The following PDE7B variants were observed in gnomAD, a reference collection of about 807,000 sequenced individuals.
The protein encoded by PDE7B is phosphodiesterase 7B.
Under a neutral mutation model 56.2 loss-of-function variants are expected in PDE7B, and 29 were observed. That is an observed-to-expected ratio of 0.52 (90% CI 0.38 to 0.70). The LOEUF (loss-of-function observed/expected upper bound fraction) is 0.70. Ranked by LOEUF, PDE7B falls within the 30% of genes least tolerant of loss-of-function variation. The pLI, the probability that PDE7B is intolerant of heterozygous loss-of-function variation, is 0.00. For missense variants in PDE7B, 490 were observed against 565.0 expected (o/e 0.87, Z 1.35); for synonymous variants, 197 against 196.9 (o/e 1.00, Z 0.00).
intron 2 of PDE7B, among the ~76,000 whole-genome samples, chr6:136,019,629 G>GA (rs1776036735): frequency 6.6e-6 from 1 of 152,170 alleles, no homozygotes; most frequent in Non-Finnish European, 1.5e-5. Context: ...CTGCATAGTG[G>GA]AAAATCTGTG....
intron 1 of PDE7B, among the ~76,000 whole-genome samples, chr6:135,897,685 A>C (rs1395664582): frequency 6.6e-6 from 1 of 152,222 alleles, no homozygotes; most frequent in Non-Finnish European, 1.5e-5. Context: ...TAGGCATTTG[A>C]AATGAACCAC....
intron 2 of PDE7B, among the ~76,000 whole-genome samples, chr6:135,990,013 A>G (rs1031639282): frequency 4.6e-5 from 7 of 152,026 alleles, no homozygotes; most frequent in African/African-American, 1.4e-4. Context: ...AATATGGATT[A>G]TGTGGGGAAT....
chr6:136,177,087 A>T (rs1179841521), intron 9 of PDE7B, among the ~76,000 whole-genome samples: 1 of 150,658 alleles, frequency 6.6e-6, no homozygotes, highest in African/African-American at 2.5e-5. Flanking sequence ...GGAAATTTTC[A>T]TCAGAGTTGG....
At chr6:135,962,710 A>G (rs968977760) in intron 2 of PDE7B, among the ~76,000 whole-genome samples, 2 of 152,152 alleles carry the variant, frequency 1.3e-5, no homozygotes, top group East Asian at 1.9e-4. Context: ...TGTGACTTCA[A>G]CTGTGCCTTA....
intron 8 of PDE7B, among the ~76,000 whole-genome samples, chr6:136,170,754 C>G (rs532535970): frequency 7.4e-4 from 112 of 152,282 alleles, no homozygotes; most frequent in Non-Finnish European, 3.7e-4. Flanking sequence ...TGAGGCATCT[C>G]ATGGCATCAG....
chr6:136,082,317 C>T (rs1777220312), intron 2 of PDE7B, among the ~76,000 whole-genome samples: 1 of 152,112 alleles, frequency 6.6e-6, no homozygotes, highest in Non-Finnish European at 1.5e-5. Context: ...GCTGCAGTTA[C>T]GGCACTTGAG....
intron 2 of PDE7B, among the ~76,000 whole-genome samples, chr6:135,978,200 A>G (rs886587197): frequency 6.6e-6 from 1 of 152,198 alleles, no homozygotes; most frequent in Non-Finnish European, 1.5e-5. Context: ...TGTACAGTAT[A>G]TTACTCTGCT....
At chr6:136,130,863 G>A (rs1366106676) in intron 3 of PDE7B, among the ~76,000 whole-genome samples, 1 of 152,196 alleles carries the variant, frequency 6.6e-6, no homozygotes, top group Non-Finnish European at 1.5e-5. Flanking sequence ...AGAAGTGAGA[G>A]CCAAGTGAAA....
chr6:135,929,986 A>G (rs919039492), intron 1 of PDE7B, among the ~76,000 whole-genome samples: 1 of 152,228 alleles, frequency 6.6e-6, no homozygotes, highest in African/African-American at 2.4e-5. Context: ...GTGCCAGACT[A>G]GGAATTCTGG....
intron 2 of PDE7B, among the ~76,000 whole-genome samples, chr6:136,067,418 G>C (rs1179722453): frequency 6.6e-6 from 1 of 151,954 alleles, no homozygotes; most frequent in African/African-American, 2.4e-5. Flanking sequence ...ATCCCTACTA[G>C]ACTTTATGAA....
chr6:135,896,814 T>TGCTCCTTCCTTCCA (rs576255273), intron 1 of PDE7B, among the ~76,000 whole-genome samples: 1 of 152,130 alleles, frequency 6.6e-6, no homozygotes, highest in Non-Finnish European at 1.5e-5. Flanking sequence ...ACGATTCCAC[T>TGCTCCTTCCTTCCA]GCTCCTTCCT....
intron 2 of PDE7B, among the ~76,000 whole-genome samples, chr6:136,015,086 G>A (rs1775955259): frequency 6.6e-6 from 1 of 152,220 alleles, no homozygotes; most frequent in South Asian, 2.1e-4. Context: ...AGCAGCACCA[G>A]AGCCAATTCC....
rs372369095 is a variant in PDE7B, at chr6:136,120,009, C to T, written c.166+11195C>T. Among the ~76,000 whole-genome samples the T allele has an allele frequency of 1.2e-4, 18 of 152,240 alleles. No individual in the cohort carries two copies. In the East Asian group the frequency reaches 3.1e-3, roughly 26 times the overall value. ...CTGACCCCTGGTCCTCTGATTCCTC[C>T]GGGCTAGAAAAGACGATTCACAAGT... On this transcript the variant is annotated intron_variant, in intron 3 of 12. Transcript: ENST00000308191.
At chr6:136,020,180 C>A (rs951049953) in intron 2 of PDE7B, among the ~76,000 whole-genome samples, 3 of 152,128 alleles carry the variant, frequency 2.0e-5, no homozygotes. Context: ...GTTTTCTTAG[C>A]TCTTGTGAAG....
intron 2 of PDE7B, among the ~76,000 whole-genome samples, chr6:135,995,844 TGAA>T (rs547451378): frequency 6.0e-4 from 91 of 152,258 alleles, no homozygotes; most frequent in African/African-American, 2.0e-3. Context: ...TAAAAATTAA[TGAA>T]GAGAATTAAC....
At chr6:136,124,852 G>C (rs1777995481) in intron 3 of PDE7B, among the ~76,000 whole-genome samples, 2 of 152,168 alleles carry the variant, frequency 1.3e-5, no homozygotes, top group South Asian at 4.1e-4. Context: ...AGCAGCTGGA[G>C]AGTTTGCCCT....
intron 1 of PDE7B, among the ~76,000 whole-genome samples, chr6:135,895,449 C>CCT (rs1358407839): frequency 6.6e-6 from 1 of 152,100 alleles, no homozygotes; most frequent in African/African-American, 2.4e-5. Flanking sequence ...GGTGCCCTGA[C>CCT]CTCTCTCTGA....
At chr6:135,852,545 G>T (rs191096557) in intron 1 of PDE7B, among the ~76,000 whole-genome samples, 1 of 152,148 alleles carries the variant, frequency 6.6e-6, no homozygotes, top group African/African-American at 2.4e-5. Flanking sequence ...GAGACTGAAG[G>T]TAGAAAAAAA....
intron 2 of PDE7B, among the ~76,000 whole-genome samples, chr6:135,948,590 C>T (rs73558725): frequency 0.014 from 2,104 of 151,950 alleles, 51 homozygotes; most frequent in African/African-American, 0.048. Context: ...AACCAGACAT[C>T]ATATTTTTCT....
Sources: allele counts gnomAD v4.1 joint callset (sites outside exome capture counted in the v4.1 genomes callset), GRCh38; gene constraint gnomAD v4.1.1; transcripts MANE v1.5; gene names NCBI Gene and HGNC (gene_info 2026-07-23, HGNC 2026-07-21).